NDUFA10: variants seen among roughly 807,000 people sequenced by gnomAD.
The protein encoded by NDUFA10 is NADH dehydrogenase [ubiquinone] 1 alpha subcomplex subunit 10, mitochondrial.
NDUFA10 carries 40 observed loss-of-function variants against 47.8 expected under a neutral mutation model. The ratio of observed to expected loss-of-function variants is 0.84; its 90% CI spans 0.65 to 1.09. The LOEUF (loss-of-function observed/expected upper bound fraction) is 1.09. Among genes scored for constraint, NDUFA10 ranks in the 50% least tolerant of loss-of-function variants. The probability of loss-of-function intolerance (pLI) is 0.00; values close to 1 mark genes in which losing one functional copy is unlikely to be tolerated. For missense variants in NDUFA10, 413 were observed against 451.1 expected, an observed-to-expected ratio of 0.92 and a Z score of 0.76; for synonymous variants, 183 against 172.2, an observed-to-expected ratio of 1.06 and a Z score of -0.49.
At chr2:239,909,195 T>TG (rs1229745430) in intron 4 of NDUFA10, among the ~76,000 whole-genome samples, 1 of 147,108 alleles carries the variant, frequency 6.8e-6, no homozygotes, top group Non-Finnish European at 1.5e-5. Context: ...AAAACCAAAG[T>TG]GGGGTCTTAA....
At chr2:240,000,429 T>C (rs1432974338) in intron 8 of NDUFA10, among the ~76,000 whole-genome samples, 7 of 151,958 alleles carry the variant, frequency 4.6e-5, no homozygotes. Flanking sequence ...TAAAAATAAA[T>C]AATTTTAAAA....
At chr2:239,971,575 G>C (rs1559335935) in intron 9 of NDUFA10, among the ~76,000 whole-genome samples, 1 of 152,140 alleles carries the variant, frequency 6.6e-6, no homozygotes, top group Non-Finnish European at 1.5e-5. Flanking sequence ...CTTTTTACTA[G>C]TGTTATTTCC....
At chr2:239,930,291 G>C (rs1389853723) in intron 4 of NDUFA10, among the ~76,000 whole-genome samples, 1 of 146,990 alleles carries the variant, frequency 6.8e-6, no homozygotes, top group African/African-American at 2.5e-5. Context: ...CTGCTCCTCT[G>C]CCACCCCTGC....
intron 4 of NDUFA10, among the ~76,000 whole-genome samples, chr2:239,915,696 C>T (rs2106475774): frequency 6.6e-6 from 1 of 150,976 alleles, no homozygotes; most frequent in African/African-American, 2.4e-5. Context: ...AGAACACACA[C>T]ATACATACAC....
intron 4 of NDUFA10, among the ~76,000 whole-genome samples, chr2:239,912,604 T>C (rs1215461429): frequency 2.0e-5 from 3 of 152,084 alleles, no homozygotes; most frequent in Non-Finnish European, 4.4e-5. Flanking sequence ...GGGCTCAGCA[T>C]TGGTGTCTGT....
At chr2:240,003,728 C>T (rs540807652) in intron 8 of NDUFA10, among the ~76,000 whole-genome samples, 39 of 152,260 alleles carry the variant, frequency 2.6e-4, no homozygotes, top group Non-Finnish European at 4.9e-4. Context: ...CCTGAGTGCA[C>T]GCTGGATATG....
At position 239,987,764 on chromosome 2, in the gene NDUFA10, G is replaced by A. The variant is rs1696060036; in HGVS notation, c.999+2310C>T. 6.6e-6 allele frequency among the ~76,000 whole-genome samples: 1 copy of A among 152,228 alleles called. No individual in the cohort carries two copies. The highest frequency in any genetic ancestry group is 2.4e-5 in the African/African-American group (1 of 41,462). On this transcript the variant is annotated intron_variant, in intron 9 of 9. Coordinates refer to ENST00000252711, the MANE Select transcript of NDUFA10 (RefSeq NM_004544.4). This position sits in a 1 kb window ranked among gnomAD's most constrained non-coding sequence, Gnocchi z 4.8. ...TGCGCAGGCAGAGCTGCCGAGCACA[G>A]CTCCGAACAGTCGCAGATGCCTGTG...
intron 4 of NDUFA10, among the ~76,000 whole-genome samples, chr2:239,917,276 C>T (rs183767393): frequency 6.6e-6 from 1 of 152,346 alleles, no homozygotes; most frequent in East Asian, 1.9e-4. Flanking sequence ...GCAAGGCCCA[C>T]ACCCATGAAA....
intron 4 of NDUFA10, among the ~76,000 whole-genome samples, chr2:239,933,272 G>A (rs1694207859): frequency 6.6e-6 from 1 of 152,138 alleles, no homozygotes; most frequent in South Asian, 2.1e-4. Flanking sequence ...ATCTGCCTCG[G>A]GTCCCTCTTA....
At chr2:239,986,352 T>C (rs1187444557) in intron 9 of NDUFA10, among the ~76,000 whole-genome samples, 1 of 152,146 alleles carries the variant, frequency 6.6e-6, no homozygotes, top group Non-Finnish European at 1.5e-5. Context: ...AGGGACGCCA[T>C]GGTAGCAGAG....
intron 4 of NDUFA10, among the ~76,000 whole-genome samples, chr2:239,946,504 T>G (rs1694456335): frequency 6.6e-6 from 1 of 152,180 alleles, no homozygotes. Context: ...GGAGTGAGTC[T>G]CAAGCCCAAG....
chr2:239,931,921 C>T (rs1401016937), intron 4 of NDUFA10, among the ~76,000 whole-genome samples: 5 of 148,266 alleles, frequency 3.4e-5, no homozygotes, highest in Admixed American at 6.9e-5. Flanking sequence ...CTGCAAGCTC[C>T]GCCTCCCGGG....
intron 9 of NDUFA10, chr2:239,976,429 C>T (rs1032330290): frequency 7.2e-5 from 11 of 152,608 alleles, no homozygotes; most frequent in African/African-American, 2.7e-4. Flanking sequence ...CAACTGCCCC[C>T]CCCAAGACTC....
chr2:239,934,674 G>A (rs148701956), intron 4 of NDUFA10, among the ~76,000 whole-genome samples: 18 of 152,246 alleles, frequency 1.2e-4, no homozygotes, highest in African/African-American at 2.9e-4. Flanking sequence ...ATCCTAGAGC[G>A]GTAGAGGGCG....
intron 4 of NDUFA10, among the ~76,000 whole-genome samples, chr2:239,937,193 C>T (rs888386382): frequency 6.6e-6 from 1 of 152,204 alleles, no homozygotes; most frequent in African/African-American, 2.4e-5. Flanking sequence ...ACTTTGCCAT[C>T]AGTTTTTAAA....
chr2:239,899,533 A>G (rs1357832419), intron 4 of NDUFA10, among the ~76,000 whole-genome samples: 1 of 151,780 alleles, frequency 6.6e-6, no homozygotes, highest in Non-Finnish European at 1.5e-5. Context: ...CCAGGATGAA[A>G]CAGAAAACTG....
At chr2:240,018,261 G>A (rs1331080839) in intron 4 of NDUFA10, 3 of 725,258 alleles carry the variant, frequency 4.1e-6, no homozygotes, top group African/African-American at 1.8e-5. Flanking sequence ...AGCGGGGGAG[G>A]TTCTAACGGG....
intron 4 of NDUFA10, among the ~76,000 whole-genome samples, chr2:239,918,725 G>C (rs10202772): frequency 0.13 from 20,196 of 152,188 alleles, 1,388 homozygotes; most frequent in South Asian, 0.17. Context: ...CATCCTCACA[G>C]AACAAAGATG....
At chr2:239,999,246 A>C (rs1696607948) in intron 8 of NDUFA10, among the ~76,000 whole-genome samples, 1 of 152,158 alleles carries the variant, frequency 6.6e-6, no homozygotes, top group Non-Finnish European at 1.5e-5. Context: ...GTAGGGATGC[A>C]CGTTTTCATT....
Sources: gnomAD v4.1 joint callset for allele counts (sites outside exome capture counted in the v4.1 genomes callset) on GRCh38, gnomAD v4.1.1 for gene constraint, Gnocchi (gnomAD v3.1) non-coding constraint, MANE v1.5 for transcripts, NCBI Gene and HGNC (gene_info 2026-07-23, HGNC 2026-07-21) for gene names.